USH2A: variants seen among roughly 807,000 people sequenced by gnomAD.
USH2A encodes the protein usherin.
USH2A carries 443 observed loss-of-function variants against 538.9 expected under a neutral mutation model. The observed-to-expected ratio is 0.82, with a 90% CI of 0.76 to 0.89. The LOEUF (loss-of-function observed/expected upper bound fraction) is 0.89, where lower values mean the gene tolerates loss of function less well. Among genes scored for constraint, USH2A ranks in the 40% least tolerant of loss-of-function variants. The pLI, the probability that USH2A is intolerant of heterozygous loss-of-function variation, is 0.00. For synonymous variants in USH2A, 2,413 were observed against 2,273.5 expected, an observed-to-expected ratio of 1.06 and a Z score of -1.75; for missense variants, 6,633 against 6,324.8, an observed-to-expected ratio of 1.05 and a Z score of -1.65.
intron 32 of USH2A, among the ~76,000 whole-genome samples, chr1:216,045,924 A>G (rs944424057): frequency 7.9e-5 from 12 of 151,974 alleles, no homozygotes; most frequent in African/African-American, 2.9e-4. Context: ...AGATCATACA[A>G]TTGGAGTGAT....
chr1:215,884,051 C>T (rs1571778759), intron 41 of USH2A, among the ~76,000 whole-genome samples: 1 of 152,038 alleles, frequency 6.6e-6, no homozygotes, highest in African/African-American at 2.4e-5. Context: ...GGGAACATCA[C>T]ACACTGGGGC....
intron 47 of USH2A, among the ~76,000 whole-genome samples, chr1:215,826,518 G>A (rs1251189976): frequency 6.6e-6 from 1 of 152,156 alleles, no homozygotes; most frequent in African/African-American, 2.4e-5. Flanking sequence ...CTACAATTAG[G>A]CCTGAGCTTT....
At chr1:216,000,647 A>G in intron 32 of USH2A, 85 bp from the exon 33 acceptor site, 1 of 1,528,194 alleles carries the variant, frequency 6.5e-7, no homozygotes, top group Non-Finnish European at 9.1e-7. Context: ...GTCCTATCTC[A>G]GAGAATTGTT....
intron 48 of USH2A, among the ~76,000 whole-genome samples, chr1:215,815,508 A>C (rs572346970): frequency 3.3e-5 from 5 of 152,098 alleles, no homozygotes; most frequent in African/African-American, 1.2e-4. Flanking sequence ...GGAATGTTAC[A>C]CCAACCAGTC....
chr1:216,292,564 T>C (rs1206359412), intron 9 of USH2A, among the ~76,000 whole-genome samples, 194 bp from the exon 10 acceptor site: 1 of 152,194 alleles, frequency 6.6e-6, no homozygotes, highest in Non-Finnish European at 1.5e-5. Flanking sequence ...ATTGTAAAAG[T>C]GACCATGCAA....
intron 36 of USH2A, among the ~76,000 whole-genome samples, chr1:215,970,416 C>A (rs1292769660): frequency 6.6e-6 from 1 of 152,050 alleles, no homozygotes; most frequent in Non-Finnish European, 1.5e-5. Flanking sequence ...TAGACTCTGC[C>A]CTTCACTGGA....
At position 216,004,101 on chromosome 1, in the gene USH2A, T is replaced by A. The variant is rs543943793; in HGVS notation, c.6326-3539A>T. ...ACCATTTTATTGGTTGAGGAAGGCA[T>A]GGAGGGGAAGATAAGAATTCATATA... On this transcript the variant is annotated intron_variant, in intron 32 of 71. Coordinates refer to ENST00000307340, the MANE Select transcript of USH2A (RefSeq NM_206933.4). Among the ~76,000 whole-genome samples, 21 of 152,184 alleles carry A rather than the reference T, an allele frequency of 1.4e-4. No individual in the cohort carries two copies. In the South Asian group the frequency reaches 4.4e-3, roughly 32 times the overall value.
chr1:215,951,650 G>T (rs1191947188), intron 37 of USH2A, among the ~76,000 whole-genome samples: 2 of 151,960 alleles, frequency 1.3e-5, no homozygotes, highest in Non-Finnish European at 2.9e-5. Flanking sequence ...TGTTGACAGT[G>T]GGGTGTTAAA....
At chr1:215,921,414 T>C (rs1395472798) in intron 38 of USH2A, among the ~76,000 whole-genome samples, 1 of 152,040 alleles carries the variant, frequency 6.6e-6, no homozygotes, top group Non-Finnish European at 1.5e-5. Context: ...TATGACATTA[T>C]AAACTTTAGA....
intron 3 of USH2A, among the ~76,000 whole-genome samples, chr1:216,371,169 A>T (rs1460366861): frequency 6.6e-6 from 1 of 152,216 alleles, no homozygotes; most frequent in Admixed American, 6.5e-5. Flanking sequence ...TCAGTTCACA[A>T]GTTCCAGTTC....
At chr1:215,794,072 G>A (rs761231130) in intron 50 of USH2A, among the ~76,000 whole-genome samples, 4 of 152,102 alleles carry the variant, frequency 2.6e-5, no homozygotes, top group Non-Finnish European at 5.9e-5. Context: ...CCACTGAAAT[G>A]ACACGCATGA....
chr1:215,631,227 A>AGTGTGTGTGTGTGT (rs145355299), intron 70 of USH2A, among the ~76,000 whole-genome samples: 272 of 148,548 alleles, frequency 1.8e-3, no homozygotes, highest in African/African-American at 6.4e-3. Context: ...GAGGGGGAGA[A>AGTGTGTGTGTGTGT]GTGTGTGTGT....
rs1270391947 is a variant in USH2A, at chr1:215,842,264, T to C, written c.9258+2030A>G. Among the ~76,000 whole-genome samples the C allele has an allele frequency of 2.0e-5, 3 of 152,198 alleles. No homozygotes were observed. In the East Asian group the frequency reaches 5.8e-4, roughly 29 times the overall value. ...ACATCAAAACCACAGTGAGATACCATTTCATGCCAGTCAGAATGGTGATTA... is the reference window on the plus strand; with the variant it reads ...ACATCAAAACCACAGTGAGATACCACTTCATGCCAGTCAGAATGGTGATTA... On this transcript the variant is annotated intron_variant, in intron 46 of 71. Coordinates refer to ENST00000307340, the MANE Select transcript of USH2A (RefSeq NM_206933.4).
Position 215,623,549 on chromosome 1 carries a change from A to ATCT in USH2A, c.*2229_*2231dup, listed in dbSNP as rs1655880586. On this transcript the variant is annotated 3_prime_UTR_variant, in exon 72 of 72. Transcript: ENST00000307340. The stretch of plus-strand genomic sequence containing the variant: ...ATACCACTTAAAGTAGCAAAGCAAC[A>ATCT]TCTTAGAGTTCTTCTCTGAAATAAA... 1 of 152,138 alleles carries ATCT rather than the reference A, an allele frequency of 6.6e-6. No homozygotes were observed. The highest frequency in any genetic ancestry group is 1.5e-5 in the Non-Finnish European group (1 of 68,008). The allele number at this position is 152,138 out of a possible 1,614,324, so 9.4% of individuals were successfully genotyped here.
chr1:215,697,590 C>T (rs186761934), intron 61 of USH2A, among the ~76,000 whole-genome samples: 108 of 152,154 alleles, frequency 7.1e-4, no homozygotes, highest in African/African-American at 2.5e-3. Context: ...GGCACGATCT[C>T]GGCTCACTGC....
At position 216,084,674 on chromosome 1, in the gene USH2A, C is replaced by T. The variant is rs757939379; in HGVS notation, c.5167+24G>A. 2.0e-5 allele frequency: 32 copies of T among 1,610,764 alleles called. 1 individual carries two copies. The highest frequency in any genetic ancestry group is 2.7e-5 in the African/African-American group (2 of 74,830). ...ATAGAACATAGATTTTAAGTGAACA[C>T]TCATGTCTTTTTTAGAGCATTACCT... On this transcript the variant is annotated intron_variant, in intron 25 of 71. Transcript: ENST00000307340.
rs1002562024 is a variant in USH2A, at chr1:215,845,680, A to G, written c.9055+144T>C. The stretch of plus-strand genomic sequence containing the variant: ...TATTGATCTGCTACTGATGACAGTG[A>G]GCACTTAAGCATTTTAGCCTCCACC... On this transcript the variant is annotated intron_variant, in intron 45 of 71. Coordinates refer to ENST00000307340, the MANE Select transcript of USH2A (RefSeq NM_206933.4). The G allele has an allele frequency of 2.3e-5, 18 of 779,814 alleles. No individual in the cohort carries two copies. The African/African-American group carries it at 2.4e-4, about 10-fold the overall frequency. 48.3% of individuals were successfully genotyped at this position (779,814 alleles called of 1,614,324 possible).
In USH2A at chr1:215,675,479, C is replaced by T. The variant is rs773192157; in HGVS notation, c.12432G>A (p.Ala4144=). The T allele has an allele frequency of 2.0e-5, 32 of 1,613,940 alleles. 1 individual carries two copies. Among genetic ancestry groups the T allele is most frequent in the African/African-American group, 8.0e-5 (6 of 74,886 alleles). Residue 4144 remains alanine, a synonymous_variant, in exon 63 of 72, where the codon GCG becomes GCA. Transcript: ENST00000307340. ...ACTRAGCAHS[A]PQPLWTDEAP... ...CTTCATCTGTCCACAGAGGCTGAGG[C>T]GCCGAGTGTGCACAACCTGCTCTGG...
chr1:215,944,529 T>C (rs1394904488), intron 37 of USH2A, among the ~76,000 whole-genome samples: 2 of 152,164 alleles, frequency 1.3e-5, no homozygotes, highest in Non-Finnish European at 2.9e-5. Context: ...AATGTTTTGA[T>C]TATCTTTCAT....
Sources: allele counts gnomAD v4.1 joint callset (sites outside exome capture counted in the v4.1 genomes callset), GRCh38; gene constraint gnomAD v4.1.1; transcripts MANE v1.5; gene names NCBI Gene and HGNC (gene_info 2026-07-23, HGNC 2026-07-21).